The following TBC1D31 variants were observed in gnomAD, a reference collection of about 807,000 sequenced individuals.
The protein encoded by TBC1D31 is TBC1 domain family member 31.
Under a neutral mutation model 132.9 loss-of-function variants are expected in TBC1D31, and 99 were observed. That is an observed-to-expected ratio of 0.74 (90% CI 0.63 to 0.88). The LOEUF is 0.88. Ranked by LOEUF, TBC1D31 falls within the 40% of genes least tolerant of loss-of-function variation. TBC1D31 has a pLI of 0.00. For missense variants in TBC1D31, 1,134 were observed against 1,256.6 expected (o/e 0.90, Z 1.48); for synonymous variants, 385 against 419.4 (o/e 0.92, Z 1.00).
At chr8:123,118,163 A>G (rs1409879158) in intron 10 of TBC1D31, among the ~76,000 whole-genome samples, 1 of 152,204 alleles carries the variant, frequency 6.6e-6, no homozygotes, top group Non-Finnish European at 1.5e-5. Context: ...AAACACATGT[A>G]ATGTTGAATC....
chr8:123,121,369 T>C (rs140860630), intron 11 of TBC1D31, among the ~76,000 whole-genome samples: 1 of 152,318 alleles, frequency 6.6e-6, no homozygotes, highest in African/African-American at 2.4e-5. Context: ...ATGTGAATAA[T>C]TGATTCCCCA....
At position 123,126,500 on chromosome 8, in the gene TBC1D31, T is replaced by A. The variant is rs369145772; in HGVS notation, c.1705-8T>A. ...GAAAAATAATAAATTTTTCCTTATC[T>A]GTTTTAGCTATATGCATGGCCTCTT... On this transcript the variant is annotated splice_region_variant and splice_polypyrimidine_tract_variant and intron_variant, in intron 12 of 21. Coordinates refer to ENST00000287380, the MANE Select transcript of TBC1D31 (RefSeq NM_145647.4). The A allele has an allele frequency of 6.2e-7, 1 of 1,600,164 alleles. No homozygotes were observed. Among genetic ancestry groups the A allele is most frequent in the Non-Finnish European group, 8.5e-7 (1 of 1,175,548 alleles).
At chr8:123,139,285 C>T (rs1821404829) in intron 17 of TBC1D31, among the ~76,000 whole-genome samples, 1 of 152,086 alleles carries the variant, frequency 6.6e-6, no homozygotes, top group African/African-American at 2.4e-5. Context: ...ATCAAAAAAT[C>T]ATTACGTCAA....
At chr8:123,161,770 G>C in the TBC1D31 span, among the ~76,000 whole-genome samples, 3 of 151,766 alleles carry the variant, frequency 2.0e-5, no homozygotes, top group Non-Finnish European at 4.4e-5. Flanking sequence ...TAATCCCAAC[G>C]CTTTGGGAGG....
At chr8:123,153,456 G>GA (rs1822909857), downstream of TBC1D31, among the ~76,000 whole-genome samples, 1 of 152,180 alleles carries the variant, frequency 6.6e-6, no homozygotes, top group African/African-American at 2.4e-5. Context: ...TTCATTCAGT[G>GA]AAAGTGCACT....
chr8:123,113,451 T>C (rs1414007611), intron 10 of TBC1D31, among the ~76,000 whole-genome samples: 1 of 152,078 alleles, frequency 6.6e-6, no homozygotes, highest in East Asian at 1.9e-4. Flanking sequence ...AATATCATAG[T>C]GTAAGCTATA....
chr8:123,098,911 CA>C lies in TBC1D31; in HGVS notation c.831+1472del, dbSNP rs539347634. On this transcript the variant is annotated intron_variant, in intron 6 of 21. Coordinates refer to ENST00000287380, the MANE Select transcript of TBC1D31 (RefSeq NM_145647.4). ...ATGAGGGGCTTTGTTTCCTACAAGC[CA>C]ACCAACAGGAGAACTTTATAGAGTG... Among the ~76,000 whole-genome samples, 44 of 152,196 alleles carry C rather than the reference CA, an allele frequency of 2.9e-4. No individual in the cohort carries two copies. In the South Asian group the frequency reaches 9.1e-3, roughly 32 times the overall value.
chr8:123,126,564 G>A lies in TBC1D31; in HGVS notation c.1761G>A (p.Glu587=). 6.2e-7 allele frequency: 1 copy of A among 1,614,090 alleles called. No homozygotes were observed. Among genetic ancestry groups the A allele is most frequent in the Non-Finnish European group, 8.5e-7 (1 of 1,180,008 alleles). The part of the protein sequence containing the change: ...TVFSEVLTRE[E]WLKLFDNIFS... The stretch of plus-strand genomic sequence containing the variant: ...TCTCAGAAGTGCTGACAAGAGAGGA[G>A]TGGCTGAAATTGTTCGATAATATCT... The change falls in exon 13 of 22, where the codon GAG becomes GAA. Residue 587 remains glutamate (E), a synonymous_variant. Transcript: ENST00000287380.
intron 10 of TBC1D31, among the ~76,000 whole-genome samples, chr8:123,114,478 A>C (rs887970964): frequency 6.6e-6 from 1 of 151,782 alleles, no homozygotes. Context: ...CCCCCACCAC[A>C]CCTGGCTAAT....
intron 19 of TBC1D31, among the ~76,000 whole-genome samples, chr8:123,143,449 T>C (rs1279809286): frequency 1.3e-5 from 2 of 152,172 alleles, no homozygotes; most frequent in African/African-American, 4.8e-5. Context: ...ATCTTTTGGT[T>C]GATCCTCGCA....
chr8:123,114,317 T>TTGTTG (rs1554614955), intron 10 of TBC1D31, among the ~76,000 whole-genome samples: 1,917 of 151,518 alleles, frequency 0.013, 14 homozygotes, highest in Admixed American at 0.018. Context: ...TTGTTTGTTT[T>TTGTTG]TTGTTGTTGT....
At chr8:123,123,081 C>T (rs1263538434) in intron 11 of TBC1D31, 9 of 152,274 alleles carry the variant, frequency 5.9e-5, no homozygotes, top group Admixed American at 5.9e-4. Flanking sequence ...TGACTCTACC[C>T]TTGCTGAGGA....
At chr8:123,093,869 G>A (rs1435501809) in intron 5 of TBC1D31, 127 bp downstream of exon 5, 1 of 589,332 alleles carries the variant, frequency 1.7e-6, no homozygotes, top group African/African-American at 1.9e-5. Flanking sequence ...TTCAAATTTA[G>A]ATATGATCTG....
chr8:123,128,620 T>C (rs1820319658), intron 14 of TBC1D31, 107 bp downstream of exon 14: 1 of 858,564 alleles, frequency 1.2e-6, no homozygotes, highest in African/African-American at 1.7e-5. Context: ...CTCACGCCTA[T>C]AGTCCCAGCA....
intron 2 of TBC1D31, among the ~76,000 whole-genome samples, chr8:123,078,490 G>A (rs1814779270): frequency 6.6e-6 from 1 of 152,122 alleles, no homozygotes; most frequent in South Asian, 2.1e-4. Context: ...ACACCCAGAG[G>A]GCCTGGGAGC....
the TBC1D31 span, among the ~76,000 whole-genome samples, chr8:123,165,141 T>C: frequency 0.013 from 2,026 of 152,298 alleles, 40 homozygotes; most frequent in African/African-American, 0.046. Context: ...GCCTCCAGCA[T>C]TGTGCAGGAA....
chr8:123,116,743 A>T (rs1314292969), intron 10 of TBC1D31, among the ~76,000 whole-genome samples: 1 of 152,190 alleles, frequency 6.6e-6, no homozygotes, highest in East Asian at 1.9e-4. Flanking sequence ...GCATGTCACA[A>T]GGGCACGTGA....
intron 1 of TBC1D31, chr8:123,074,979 A>G (rs1331550142): frequency 6.6e-6 from 1 of 152,242 alleles, no homozygotes; most frequent in Non-Finnish European, 1.5e-5. Context: ...TTTACGTGTG[A>G]TTTATATGAA....
Position 123,100,929 on chromosome 8 carries a change from A to G in TBC1D31, c.954A>G (p.Gly318=), listed in dbSNP as rs1300847689. Residue 318 remains glycine, a synonymous_variant, in exon 7 of 22, where the codon GGA becomes GGG. Transcript: ENST00000287380. ...GCTCATCAGCAATTAGCCCACATGG[A>G]CGGTACATTGCATCTATTATGGAAA... ...GISSSAISPH[G]RYIASIMENG... is the part of the protein sequence containing the mutation. 6.8e-6 allele frequency: 11 copies of G among 1,614,042 alleles called. No individual in the cohort carries two copies. The highest frequency in any genetic ancestry group is 9.3e-6 in the Non-Finnish European group (11 of 1,179,946).
Sources: allele counts gnomAD v4.1 joint callset (sites outside exome capture counted in the v4.1 genomes callset), GRCh38; gene constraint gnomAD v4.1.1; transcripts MANE v1.5; gene names NCBI Gene and HGNC (gene_info 2026-07-23, HGNC 2026-07-21).